The following TAF5L variants were observed in gnomAD, a reference collection of about 807,000 sequenced individuals.
TAF5L encodes TAF5-like RNA polymerase II p300/CBP-associated factor-associated factor 65 kDa subunit 5L.
In TAF5L, 7 loss-of-function variants were observed where a neutral mutation model predicts 51.3. The ratio of observed to expected loss-of-function variants is 0.14; its 90% CI spans 0.08 to 0.26. The LOEUF (loss-of-function observed/expected upper bound fraction) is 0.26. Among genes scored for constraint, TAF5L ranks in the 10% least tolerant of loss-of-function variants. The pLI is 1.00. For missense variants in TAF5L, 575 were observed against 758.9 expected, an observed-to-expected ratio of 0.76 and a Z score of 2.85; for synonymous variants, 291 against 308.1, an observed-to-expected ratio of 0.94 and a Z score of 0.58.
intron 4 of TAF5L, 66 bp from the exon 5 acceptor site, chr1:229,595,160 A>C: frequency 6.7e-7 from 1 of 1,491,846 alleles, no homozygotes; most frequent in South Asian, 1.3e-5. Context: ...TCTGACAAGG[A>C]AAACAAGTCC....
chr1:229,607,021 T>C (rs913545008), intron 3 of TAF5L: 3 of 985,444 alleles, frequency 3.0e-6, no homozygotes, highest in Non-Finnish European at 3.6e-6. Context: ...TTATTACAAG[T>C]CTTTATCTTT....
chr1:229,614,316 C>T (rs1664895255), intron 2 of TAF5L, 25 bp downstream of exon 2: 8 of 1,614,196 alleles, frequency 5.0e-6, no homozygotes, highest in East Asian at 4.5e-5. Flanking sequence ...CAGGCTCACC[C>T]CACCAGACGA....
intron 3 of TAF5L, chr1:229,606,925 T>G (rs1366442824): frequency 3.0e-6 from 3 of 985,296 alleles, no homozygotes; most frequent in Non-Finnish European, 3.6e-6. Flanking sequence ...GATACTCTTA[T>G]ATCTTTCCCT....
intron 1 of TAF5L, among the ~76,000 whole-genome samples, chr1:229,617,719 A>T (rs1464531319): frequency 6.6e-6 from 1 of 152,238 alleles, no homozygotes; most frequent in Non-Finnish European, 1.5e-5. Flanking sequence ...ATGTGAAGTT[A>T]GGAAAGAGTA....
chr1:229,617,685 T>C (rs1665058171), intron 1 of TAF5L, among the ~76,000 whole-genome samples: 2 of 152,262 alleles, frequency 1.3e-5, no homozygotes, highest in East Asian at 1.9e-4. Context: ...AATATACCTA[T>C]GTGTCTGAGG....
intron 2 of TAF5L, among the ~76,000 whole-genome samples, chr1:229,612,590 C>T (rs549366777): frequency 1.3e-5 from 2 of 152,282 alleles, no homozygotes; most frequent in South Asian, 2.1e-4. Flanking sequence ...TGGGTGGATC[C>T]AACCCTGAAA....
intron 4 of TAF5L, chr1:229,599,696 G>T: frequency 4.6e-6 from 2 of 438,488 alleles, no homozygotes; most frequent in Non-Finnish European, 6.1e-6. Context: ...ATGGCCATTT[G>T]GACTGTTTCC....
intron 3 of TAF5L, 65 bp downstream of exon 3, chr1:229,610,041 G>T: frequency 7.2e-7 from 1 of 1,392,170 alleles, no homozygotes; most frequent in Non-Finnish European, 1.0e-6. Context: ...CAAGCAGTGT[G>T]CCCAAAGTTG....
chr1:229,613,423 A>G (rs938921502), intron 2 of TAF5L, among the ~76,000 whole-genome samples: 19 of 152,114 alleles, frequency 1.2e-4, no homozygotes, highest in African/African-American at 4.3e-4. Context: ...AATAGCTAAC[A>G]ATTACAGTCG....
intron 1 of TAF5L, among the ~76,000 whole-genome samples, chr1:229,616,078 G>C (rs1458380687): frequency 6.6e-6 from 1 of 152,126 alleles, no homozygotes; most frequent in Admixed American, 6.6e-5. Flanking sequence ...GCAATGGCAT[G>C]ATCTCAGCTC....
At chr1:229,618,448 C>T (rs1388893421) in intron 1 of TAF5L, among the ~76,000 whole-genome samples, 1 of 151,994 alleles carries the variant, frequency 6.6e-6, no homozygotes, top group Non-Finnish European at 1.5e-5. Context: ...TCTCATGTAT[C>T]AACAGTTGCC....
chr1:229,595,234 T>A, intron 4 of TAF5L, 140 bp from the exon 5 acceptor site: 1 of 882,846 alleles, frequency 1.1e-6, no homozygotes, highest in Non-Finnish European at 1.7e-6. Context: ...CAAATGACAG[T>A]GGCCTTGCCC....
chr1:229,600,345 G>A, intron 4 of TAF5L: 2 of 985,368 alleles, frequency 2.0e-6, no homozygotes, highest in Non-Finnish European at 2.4e-6. Flanking sequence ...AAAGGGCAGA[G>A]GTTAGCTAGC....
At chr1:229,596,325 G>A (rs930714033) in intron 4 of TAF5L, among the ~76,000 whole-genome samples, 6 of 152,086 alleles carry the variant, frequency 3.9e-5, no homozygotes, top group Admixed American at 3.9e-4. Context: ...AACTATCAGA[G>A]GAGTTTAGCC....
At position 229,602,649 on chromosome 1, in the gene TAF5L, T is replaced by G. The variant is rs750765676; in HGVS notation, c.518A>C (p.Asn173Thr). Residue 173 changes from asparagine to threonine, a missense_variant, in exon 4 of 5, where the codon AAC becomes ACC. Coordinates refer to ENST00000258281, the Ensembl canonical transcript of TAF5L. The surrounding 1 kb of genome is among the most constrained non-coding windows in gnomAD (Gnocchi z 4.6). ...ACTTTGGAGGTAGCGGATAAGGTAGTTGTAGCTGTCTTCTTGGAGACGGAC... is the reference window on the plus strand; with the variant it reads ...ACTTTGGAGGTAGCGGATAAGGTAGGTGTAGCTGTCTTCTTGGAGACGGAC... 1.2e-6 allele frequency: 2 copies of G among 1,614,188 alleles called. No homozygotes were observed. Among genetic ancestry groups the G allele is most frequent in the South Asian group, 2.2e-5 (2 of 91,084 alleles).
chr1:229,595,278 G>A lies in TAF5L; in HGVS notation c.973-184C>T, dbSNP rs1276315243. 2.0e-5 allele frequency among the ~76,000 whole-genome samples: 3 copies of A among 152,184 alleles called. No individual in the cohort carries two copies. In the East Asian group the frequency reaches 5.8e-4, roughly 29 times the overall value. On this transcript the variant is annotated intron_variant, in intron 4 of 4. Transcript: ENST00000258281. ...TACCCCAGGAAGATAACTCATAACT[G>A]AATAAAAGTCTCTTACGACTTACAA...
chr1:229,608,244 A>G (rs1664667312), intron 3 of TAF5L, among the ~76,000 whole-genome samples: 1 of 152,214 alleles, frequency 6.6e-6, no homozygotes, highest in Non-Finnish European at 1.5e-5. Flanking sequence ...TATTACAGGA[A>G]ATAAGGGTTA....
intron 3 of TAF5L, chr1:229,606,385 C>A (rs1664597111): frequency 1.0e-6 from 1 of 973,688 alleles, no homozygotes; most frequent in African/African-American, 1.8e-5. Flanking sequence ...TTTCTTCCTT[C>A]TATCTACCCA....
chr1:229,620,956 ATG>A (rs60562331), intron 1 of TAF5L, among the ~76,000 whole-genome samples: 15,736 of 149,886 alleles, frequency 0.1, 883 homozygotes, highest in Non-Finnish European at 0.12. Context: ...TAAAACATTT[ATG>A]TGTGTGTGTG....
Sources: gnomAD v4.1 joint callset for allele counts (sites outside exome capture counted in the v4.1 genomes callset) on GRCh38, gnomAD v4.1.1 for gene constraint, Gnocchi (gnomAD v3.1) non-coding constraint, MANE v1.5 for transcripts, NCBI Gene and HGNC (gene_info 2026-07-23, HGNC 2026-07-21) for gene names.